Variants in VEZT observed in about 807,000 individuals in gnomAD.
VEZT encodes vezatin.
Under a neutral mutation model 79.9 loss-of-function variants are expected in VEZT, and 39 were observed. That is an observed-to-expected ratio of 0.49 (90% CI 0.38 to 0.64). The LOEUF (loss-of-function observed/expected upper bound fraction) is 0.64. Among genes scored for constraint, VEZT ranks in the 30% least tolerant of loss-of-function variants. VEZT has a pLI of 0.00. For missense variants in VEZT, 837 were observed against 893.1 expected, an observed-to-expected ratio of 0.94 and a Z score of 0.80; for synonymous variants, 325 against 327.6, an observed-to-expected ratio of 0.99 and a Z score of 0.09.
In VEZT at chr12:95,302,510, T is replaced by C. The variant is rs2075321257; in HGVS notation, c.*1837T>C. The C allele has an allele frequency of 6.6e-6, 1 of 152,172 alleles. No homozygotes were observed. Among genetic ancestry groups the C allele is most frequent in the African/African-American group, 2.4e-5 (1 of 41,456 alleles). The allele number at this position is 152,172 out of a possible 1,614,324, so 9.4% of individuals were successfully genotyped here. A position where few individuals can be genotyped will look rare whatever the true frequency, so the allele number is the denominator to read the frequency against. ...TTATGACATAAAGATCTTGCAGCTT[T>C]ATTTGAGTATTTGTTCTTTTGTGTA... On this transcript the variant is annotated 3_prime_UTR_variant, in exon 12 of 12. Transcript: ENST00000436874.
At chr12:95,255,096 A>G (rs533699563) in intron 2 of VEZT, among the ~76,000 whole-genome samples, 2 of 152,194 alleles carry the variant, frequency 1.3e-5, no homozygotes, top group African/African-American at 4.8e-5. Context: ...TTTCTTCTAC[A>G]TGTGCCCCAC....
Position 95,300,367 on chromosome 12 carries a change from A to G in VEZT, c.2034A>G (p.Ser678=), listed in dbSNP as rs766997405. 1.4e-5 allele frequency: 22 copies of G among 1,613,570 alleles called. No individual in the cohort carries two copies. In the South Asian group the frequency reaches 2.3e-4, roughly 17 times the overall value. Residue 678 remains serine (S), a synonymous_variant, in exon 12 of 12, where the codon TCA becomes TCG. Transcript: ENST00000436874. ...AAGGTAAAAATAAAGATAATTCTTCAAATGAAGTCTTCCCCCAAGGAGCAG... is the reference window on the plus strand; with the variant it reads ...AAGGTAAAAATAAAGATAATTCTTCGAATGAAGTCTTCCCCCAAGGAGCAG... ...SLEGKNKDNS[S]NEVFPQGAEE... is the part of the protein sequence containing the mutation.
intron 7 of VEZT, among the ~76,000 whole-genome samples, chr12:95,281,943 T>C (rs987453067): frequency 2.0e-5 from 3 of 151,984 alleles, no homozygotes; most frequent in African/African-American, 7.2e-5. Flanking sequence ...GAAAAAAATA[T>C]ATATATATAT....
chr12:95,232,318 T>A (rs949935105), intron 1 of VEZT, among the ~76,000 whole-genome samples: 1 of 152,206 alleles, frequency 6.6e-6, no homozygotes, highest in East Asian at 1.9e-4. Flanking sequence ...GGTAGAAACT[T>A]TAAAAAATAT....
intron 1 of VEZT, among the ~76,000 whole-genome samples, chr12:95,220,167 G>A (rs572780456): frequency 1.3e-5 from 2 of 152,124 alleles, no homozygotes; most frequent in African/African-American, 2.4e-5. Flanking sequence ...ATCAAGAAAC[G>A]GGACAGATGG....
chr12:95,270,798 T>G (rs1297462478), intron 6 of VEZT, among the ~76,000 whole-genome samples: 1 of 152,200 alleles, frequency 6.6e-6, no homozygotes, highest in Non-Finnish European at 1.5e-5. Flanking sequence ...AAAGACTGCA[T>G]GACAATAAGT....
chr12:95,234,679 A>T (rs565771917), intron 1 of VEZT, among the ~76,000 whole-genome samples: 128 of 151,590 alleles, frequency 8.4e-4, no homozygotes, highest in African/African-American at 2.5e-3. Flanking sequence ...TTATTTATTT[A>T]TTTATTTTTT....
chr12:95,234,947 CAT>C (rs1368706749), intron 1 of VEZT, among the ~76,000 whole-genome samples: 1 of 152,080 alleles, frequency 6.6e-6, no homozygotes, highest in Non-Finnish European at 1.5e-5. Context: ...GGACACAGCA[CAT>C]GTTTCAGAGA....
intron 1 of VEZT, among the ~76,000 whole-genome samples, chr12:95,229,492 TC>T (rs2058944109): frequency 6.6e-6 from 1 of 152,218 alleles, no homozygotes. Context: ...CCCAGGATCA[TC>T]CTTTATACCA....
At chr12:95,294,074 TA>T in intron 9 of VEZT, 197 bp from the exon 10 acceptor site, 2 of 466,298 alleles carry the variant, frequency 4.3e-6, no homozygotes, top group Non-Finnish European at 3.9e-6. Context: ...TCAGTTTTTG[TA>T]GCGACAGAGT....
intron 5 of VEZT, chr12:95,269,797 G>A (rs1363844933): frequency 3.2e-6 from 1 of 308,810 alleles, no homozygotes; most frequent in Non-Finnish European, 5.8e-6. Flanking sequence ...ATCAGAGGAA[G>A]CCTTTGCTCT....
chr12:95,226,099 A>T (rs1477755029), intron 1 of VEZT, among the ~76,000 whole-genome samples: 5 of 49,820 alleles, frequency 1.0e-4, no homozygotes, highest in African/African-American at 2.9e-4. Flanking sequence ...GCCTTTATTT[A>T]AAAAAAAAAA....
At chr12:95,269,642 G>A (rs1181628893) in intron 5 of VEZT, among the ~76,000 whole-genome samples, 2 of 152,066 alleles carry the variant, frequency 1.3e-5, no homozygotes, top group African/African-American at 2.4e-5. Flanking sequence ...ACTTCCTATG[G>A]ATATAGGTTT....
At chr12:95,230,981 C>T (rs1367151501) in intron 1 of VEZT, among the ~76,000 whole-genome samples, 1 of 152,122 alleles carries the variant, frequency 6.6e-6, no homozygotes, top group African/African-American at 2.4e-5. Context: ...ATCTCTTAGT[C>T]TTCTGATGGG....
chr12:95,287,863 T>C lies in VEZT; in HGVS notation c.1522+6T>C. The C allele has an allele frequency of 6.3e-7, 1 of 1,578,134 alleles. No individual in the cohort carries two copies. The highest frequency in any genetic ancestry group is 8.6e-7 in the Non-Finnish European group (1 of 1,161,378). ...AAGAAATACAGATAAAAAAGGTACC[T>C]GTGAGAGATTTCTTTGCCATATGCT... On this transcript the variant is annotated splice_donor_region_variant and intron_variant, in intron 9 of 11. Transcript: ENST00000436874.
intron 1 of VEZT, among the ~76,000 whole-genome samples, chr12:95,245,719 C>G (rs1467848717): frequency 2.0e-5 from 3 of 152,208 alleles, no homozygotes; most frequent in East Asian, 3.8e-4. Context: ...ACTGCTCATG[C>G]TTATAATCCC....
chr12:95,282,824 A>T (rs1415972084), intron 8 of VEZT, among the ~76,000 whole-genome samples, 180 bp downstream of exon 8: 2 of 152,128 alleles, frequency 1.3e-5, no homozygotes, highest in Non-Finnish European at 2.9e-5. Flanking sequence ...AAGTACTATA[A>T]CTTGAGGGAG....
chr12:95,236,057 G>A (rs1222918404), intron 1 of VEZT, among the ~76,000 whole-genome samples: 2 of 152,166 alleles, frequency 1.3e-5, no homozygotes, highest in Non-Finnish European at 2.9e-5. Context: ...GGCACTTTGG[G>A]AGGCCAAGGC....
In VEZT at chr12:95,223,045, T is replaced by C. The variant is rs905742857; in HGVS notation, c.36+5159T>C. Among the ~76,000 whole-genome samples the C allele has an allele frequency of 2.6e-5, 4 of 152,222 alleles. No homozygotes were observed. The East Asian group carries it at 7.7e-4, about 29-fold the overall frequency. Reference sequence around the variant, plus strand: ...AGGCAGTGTAATATAGTTAAAGATATGGGCTCTGGAGCTGGATAACCTAAG... The same window carrying C: ...AGGCAGTGTAATATAGTTAAAGATACGGGCTCTGGAGCTGGATAACCTAAG... On this transcript the variant is annotated intron_variant, in intron 1 of 11. Transcript: ENST00000436874.
Sources: gnomAD v4.1 joint callset for allele counts (sites outside exome capture counted in the v4.1 genomes callset) on GRCh38, gnomAD v4.1.1 for gene constraint, MANE v1.5 for transcripts, NCBI Gene and HGNC (gene_info 2026-07-23, HGNC 2026-07-21) for gene names.